AMPH: variants seen among roughly 807,000 people sequenced by gnomAD.
AMPH encodes amphiphysin.
AMPH carries 49 observed loss-of-function variants against 99.1 expected under a neutral mutation model. The observed-to-expected ratio is 0.49, with a 90% confidence interval of 0.39 to 0.63. The LOEUF (loss-of-function observed/expected upper bound fraction) is 0.63. AMPH is among the 20% of genes least tolerant of loss of function. The probability of loss-of-function intolerance (pLI) is 0.00; values close to 1 mark genes in which losing one functional copy is unlikely to be tolerated. For synonymous variants in AMPH, 314 were observed against 317.3 expected, an observed-to-expected ratio of 0.99 and a Z score of 0.11; for missense variants, 759 against 863.4, an observed-to-expected ratio of 0.88 and a Z score of 1.52.
chr7:38,393,648 TC>T (rs1206659201), intron 18 of AMPH, among the ~76,000 whole-genome samples: 2 of 55,672 alleles, frequency 3.6e-5, no homozygotes, highest in East Asian at 7.0e-4. Flanking sequence ...ACTATTGAGT[TC>T]TCCCTGGGCT....
intron 1 of AMPH, among the ~76,000 whole-genome samples, chr7:38,566,105 T>C (rs1791733820): frequency 2.0e-5 from 3 of 152,186 alleles, no homozygotes; most frequent in Non-Finnish European, 2.9e-5. Flanking sequence ...TTTGCTTTTG[T>C]TTTATTTCAG....
At chr7:38,483,564 T>A (rs1051862759) in intron 5 of AMPH, among the ~76,000 whole-genome samples, 1 of 152,122 alleles carries the variant, frequency 6.6e-6, no homozygotes. Context: ...TGACCCAGCA[T>A]TCTCTAGATG....
Position 38,568,809 on chromosome 7 carries a change from G to A in AMPH, c.70-33798C>T, listed in dbSNP as rs2129051207. ...TAGTTTGCATTAGGCCATGTGTGCA[G>A]GAGGGACCAATGGAAGGGAATGGAA... On this transcript the variant is annotated intron_variant, in intron 1 of 20. Coordinates refer to ENST00000356264, the MANE Select transcript of AMPH (RefSeq NM_001635.4). 1.3e-5 allele frequency among the ~76,000 whole-genome samples: 2 copies of A among 152,286 alleles called. 1 individual carries two copies. The highest frequency in any genetic ancestry group is 4.2e-4 in the South Asian group (2 of 4,814).
intron 1 of AMPH, among the ~76,000 whole-genome samples, chr7:38,557,114 G>GACA (rs1429584980): frequency 1.3e-5 from 2 of 152,120 alleles, no homozygotes; most frequent in African/African-American, 2.4e-5. Flanking sequence ...TTTGGGGTGG[G>GACA]AAACAAGGGA....
chr7:38,403,495 C>A (rs950192938), intron 17 of AMPH, among the ~76,000 whole-genome samples: 2 of 152,166 alleles, frequency 1.3e-5, no homozygotes, highest in Non-Finnish European at 2.9e-5. Flanking sequence ...ACCGGCTGTG[C>A]ACCCAGTGTA....
chr7:38,466,599 G>A (rs1270264445), intron 7 of AMPH, among the ~76,000 whole-genome samples: 1 of 151,864 alleles, frequency 6.6e-6, no homozygotes, highest in African/African-American at 2.4e-5. Context: ...GTTTCTAGGT[G>A]ATAACTGATG....
At chr7:38,560,784 A>G (rs1032349354) in intron 1 of AMPH, among the ~76,000 whole-genome samples, 4 of 152,200 alleles carry the variant, frequency 2.6e-5, no homozygotes, top group Non-Finnish European at 5.9e-5. Context: ...GCACAGCACA[A>G]TCACCTGGGT....
intron 1 of AMPH, among the ~76,000 whole-genome samples, chr7:38,570,625 T>A (rs1188005691): frequency 6.6e-6 from 1 of 151,944 alleles, no homozygotes; most frequent in African/African-American, 2.4e-5. Context: ...CAGAACATAA[T>A]GATAGTGATA....
At chr7:38,435,353 A>AT (rs1469751072) in intron 12 of AMPH, among the ~76,000 whole-genome samples, 1 of 152,196 alleles carries the variant, frequency 6.6e-6, no homozygotes, top group East Asian at 1.9e-4. Context: ...GTTTACTGTG[A>AT]TATACCAAGA....
chr7:38,594,397 T>C lies in AMPH; in HGVS notation c.69+36886A>G, dbSNP rs573004896. Among the ~76,000 whole-genome samples the C allele has an allele frequency of 2.5e-3, 377 of 152,292 alleles. 1 individual carries two copies. The highest frequency in any genetic ancestry group is 8.4e-3 in the African/African-American group (348 of 41,572). ...CTCCTAACCCTAGATACCAGCTGTTTGGAGGACAGCAACCTACACTGACTG... is the reference window on the plus strand; with the variant it reads ...CTCCTAACCCTAGATACCAGCTGTTCGGAGGACAGCAACCTACACTGACTG... On this transcript the variant is annotated intron_variant, in intron 1 of 20. Coordinates refer to ENST00000356264, the MANE Select transcript of AMPH (RefSeq NM_001635.4).
At chr7:38,511,372 T>G (rs1789534628) in intron 2 of AMPH, among the ~76,000 whole-genome samples, 1 of 152,196 alleles carries the variant, frequency 6.6e-6, no homozygotes. Flanking sequence ...TGCTTCCTTG[T>G]TTTTTCATTT....
intron 14 of AMPH, chr7:38,429,073 C>A (rs148410804): frequency 2.6e-4 from 341 of 1,290,434 alleles, no homozygotes; most frequent in Non-Finnish European, 3.2e-4. Context: ...CACGCCTCCA[C>A]ACCTGCCCAC....
At chr7:38,617,580 A>C (rs997338045) in intron 1 of AMPH, among the ~76,000 whole-genome samples, 2 of 152,202 alleles carry the variant, frequency 1.3e-5, no homozygotes, top group Non-Finnish European at 2.9e-5. Flanking sequence ...TAACCAAACC[A>C]AGAATAAACC....
At position 38,436,356 on chromosome 7, in the gene AMPH, A is replaced by C. The variant is rs759429060; in HGVS notation, c.1050T>G (p.Thr350=). Residue 350 remains threonine (T), a synonymous_variant, in exon 12 of 21, where the codon ACT becomes ACG. Transcript: ENST00000356264. ...AAGGATCAAAGTCCAGATCCAGCAA[A>C]GTCTCCTCTTTCTTCACCTCAGGGA... is the stretch of plus-strand genomic sequence containing the variant. ...NEVPEVKKEE[T]LLDLDFDPFK... is the part of the protein sequence containing the mutation. The C allele has an allele frequency of 1.2e-6, 2 of 1,614,166 alleles. No homozygotes were observed. Among genetic ancestry groups the C allele is most frequent in the South Asian group, 2.2e-5 (2 of 91,084 alleles).
intron 5 of AMPH, among the ~76,000 whole-genome samples, chr7:38,487,060 A>G (rs1274823901): frequency 6.6e-6 from 1 of 152,064 alleles, no homozygotes; most frequent in Non-Finnish European, 1.5e-5. Context: ...AAACGAAAAA[A>G]TTAGGCAAGA....
At chr7:38,429,377 C>T (rs770754740) in intron 14 of AMPH, 10 of 1,290,528 alleles carry the variant, frequency 7.7e-6, no homozygotes, top group South Asian at 1.2e-5. Flanking sequence ...TTATGTCTTG[C>T]TCTGTTTCGG....
chr7:38,585,446 T>C (rs1440652721), intron 1 of AMPH, among the ~76,000 whole-genome samples: 1 of 152,176 alleles, frequency 6.6e-6, no homozygotes, highest in African/African-American at 2.4e-5. Context: ...ACAGGGGCTT[T>C]TGCAAAGTAA....
chr7:38,620,548 TACACACAC>T (rs201765719), intron 1 of AMPH, among the ~76,000 whole-genome samples: 2,903 of 133,150 alleles, frequency 0.022, 41 homozygotes, highest in African/African-American at 0.043. Context: ...TATACATACA[TACACACAC>T]ACACACACAC....
chr7:38,571,362 GA>G (rs1157346354), intron 1 of AMPH, among the ~76,000 whole-genome samples: 1 of 101,184 alleles, frequency 9.9e-6, no homozygotes, highest in East Asian at 2.7e-4. Context: ...TTTACATATA[GA>G]ATATATATAT....
Sources: gnomAD v4.1 joint callset for allele counts (sites outside exome capture counted in the v4.1 genomes callset) on GRCh38, gnomAD v4.1.1 for gene constraint, MANE v1.5 for transcripts, NCBI Gene and HGNC (gene_info 2026-07-23, HGNC 2026-07-21) for gene names.